Variants in GABRG1 observed in about 807,000 individuals in gnomAD.
GABRG1 encodes the protein gamma-aminobutyric acid type A receptor subunit gamma1, also known as gamma-aminobutyric acid receptor subunit gamma-1.
In GABRG1, 49 loss-of-function variants were observed where a neutral mutation model predicts 49.8. That is an observed-to-expected ratio of 0.98 (90% CI 0.78 to 1.25). GABRG1 has a LOEUF of 1.25. GABRG1 is among the 50% of genes most tolerant of loss of function. GABRG1 has a pLI of 0.00. For missense variants in GABRG1, 552 were observed against 552.3 expected (o/e 1.00, Z 0.01); for synonymous variants, 232 against 185.1 (o/e 1.25, Z -2.06).
chr4:46,064,519 T>A lies in GABRG1; in HGVS notation c.547A>T (p.Thr183Ser). 1 of 1,478,674 alleles carries A rather than the reference T, an allele frequency of 6.8e-7. No individual in the cohort carries two copies. The highest frequency in any genetic ancestry group is 9.1e-7 in the Non-Finnish European group (1 of 1,093,180). The allele number at this position is 1,478,674 out of a possible 1,614,324, so 91.6% of individuals were successfully genotyped here. A position where few individuals can be genotyped will look rare whatever the true frequency, so the allele number is the denominator to read the frequency against. The change falls in exon 5 of 9, where the codon ACA (threonine) becomes TCA (serine). Residue 183 changes from threonine to serine, a missense_variant. By Grantham distance (58) the Thr-to-Ser change is moderately conservative. Coordinates refer to ENST00000295452, the MANE Select transcript of GABRG1 (RefSeq NM_173536.4). Reference protein sequence around the residue: ...DGRVLYTLRLTINAECYLQLH... With the variant: ...DGRVLYTLRLSINAECYLQLH... ...TGAAGATAACATTCTGCATTAATTGTCAATCTATTTAGATGGAAAGAAAAG... is the reference window on the plus strand; with the variant it reads ...TGAAGATAACATTCTGCATTAATTGACAATCTATTTAGATGGAAAGAAAAG...
Position 46,040,884 on chromosome 4 carries a change from A to G in GABRG1, c.*104T>C. On this transcript the variant is annotated 3_prime_UTR_variant, in exon 9 of 9. Coordinates refer to ENST00000295452, the MANE Select transcript of GABRG1 (RefSeq NM_173536.4). ...TTACAATACTATTCACATTTTAACC[A>G]TTGGTCTCTCTGCATTTTAAATTTA... 5 of 1,161,562 alleles carry G rather than the reference A, an allele frequency of 4.3e-6. No individual in the cohort carries two copies. Among genetic ancestry groups the G allele is most frequent in the Admixed American group, 2.2e-5 (1 of 44,486 alleles). 72.0% of individuals were successfully genotyped at this position (1,161,562 alleles called of 1,614,324 possible).
chr4:46,093,279 A>T (rs936129852), intron 2 of GABRG1, among the ~76,000 whole-genome samples: 2 of 151,986 alleles, frequency 1.3e-5, no homozygotes, highest in Non-Finnish European at 2.9e-5. Flanking sequence ...CCACAAAAAA[A>T]AGGATAAGAT....
intron 1 of GABRG1, among the ~76,000 whole-genome samples, chr4:46,101,387 T>C (rs1240944370): frequency 6.6e-6 from 1 of 151,120 alleles, no homozygotes; most frequent in Non-Finnish European, 1.5e-5. Flanking sequence ...CAACAAAACC[T>C]ACGGTACGTA....
intron 8 of GABRG1, among the ~76,000 whole-genome samples, chr4:46,051,156 T>A (rs375620158): frequency 6.6e-6 from 1 of 151,816 alleles, no homozygotes; most frequent in African/African-American, 2.4e-5. Flanking sequence ...TCACAAATAA[T>A]GTTTGAGGTA....
chr4:46,106,115 C>T (rs1720539088), intron 1 of GABRG1, among the ~76,000 whole-genome samples: 1 of 151,428 alleles, frequency 6.6e-6, no homozygotes, highest in African/African-American at 2.4e-5. Context: ...ACTCCCAGGT[C>T]CTTTCTCAGG....
At chr4:46,114,464 A>G (rs959067306) in intron 1 of GABRG1, among the ~76,000 whole-genome samples, 1 of 150,958 alleles carries the variant, frequency 6.6e-6, no homozygotes, top group Non-Finnish European at 1.5e-5. Context: ...TCTACCATGC[A>G]GTTAATCATA....
chr4:46,113,765 A>G (rs2109442572), intron 1 of GABRG1, among the ~76,000 whole-genome samples: 1 of 151,300 alleles, frequency 6.6e-6, no homozygotes, highest in African/African-American at 2.4e-5. Context: ...AGTTTCTAGA[A>G]CAGCATCTGT....
At chr4:46,051,677 T>C in intron 7 of GABRG1, 39 bp from the exon 8 acceptor site, 2 of 1,255,350 alleles carry the variant, frequency 1.6e-6, no homozygotes, top group Non-Finnish European at 1.1e-6. Flanking sequence ...TGAAAATTAA[T>C]AGACCACATT....
chr4:46,096,893 C>T (rs1026766346), intron 2 of GABRG1, among the ~76,000 whole-genome samples: 2 of 151,680 alleles, frequency 1.3e-5, no homozygotes, highest in Admixed American at 1.3e-4. Flanking sequence ...GGTCATTATT[C>T]TGTATCTTAT....
intron 5 of GABRG1, among the ~76,000 whole-genome samples, chr4:46,060,865 T>C (rs1169941649): frequency 6.6e-6 from 1 of 152,152 alleles, no homozygotes; most frequent in Admixed American, 6.6e-5. Flanking sequence ...ATAAACATGA[T>C]TGGCTAAATA....
intron 1 of GABRG1, among the ~76,000 whole-genome samples, chr4:46,105,710 C>T (rs943787526): frequency 1.3e-5 from 2 of 149,818 alleles, no homozygotes; most frequent in African/African-American, 5.0e-5. Context: ...ACACATAATC[C>T]TCCAATTTTC....
At chr4:46,116,132 A>G (rs1426707327) in intron 1 of GABRG1, among the ~76,000 whole-genome samples, 1 of 150,912 alleles carries the variant, frequency 6.6e-6, no homozygotes, top group African/African-American at 2.4e-5. Flanking sequence ...TTGTTCCTCA[A>G]AGCAGAGTGT....
chr4:46,061,589 G>C (rs1363883559), intron 5 of GABRG1, among the ~76,000 whole-genome samples: 2 of 151,800 alleles, frequency 1.3e-5, no homozygotes, highest in Non-Finnish European at 2.9e-5. Context: ...ATACATGTGA[G>C]GATATGTATG....
In GABRG1 at chr4:46,040,972, G is replaced by T. The variant is rs769085432; in HGVS notation, c.*16C>A. The T allele has an allele frequency of 4.4e-6, 7 of 1,593,474 alleles. No homozygotes were observed. Among genetic ancestry groups the T allele is most frequent in the Non-Finnish European group, 5.1e-6 (6 of 1,170,364 alleles). ...TTTAGTCAGACTTCTTTTGATTTTT[G>T]CTTATGAAGTAGATTTTATAAGTAA... is the stretch of plus-strand genomic sequence containing the variant. On this transcript the variant is annotated 3_prime_UTR_variant, in exon 9 of 9. Coordinates refer to ENST00000295452, the MANE Select transcript of GABRG1 (RefSeq NM_173536.4).
intron 3 of GABRG1, among the ~76,000 whole-genome samples, chr4:46,065,808 C>T (rs895746974): frequency 3.9e-5 from 6 of 152,060 alleles, no homozygotes; most frequent in South Asian, 4.1e-4. Flanking sequence ...CCGCAAGCTC[C>T]GCCTCCCGGG....
chr4:46,041,007 A>G lies in GABRG1; in HGVS notation c.1379T>C (p.Val460Ala), dbSNP rs1717751437. Residue 460 changes from valine to alanine, a missense_variant, in exon 9 of 9, where the codon GTT becomes GCT. Val to Ala is a moderately conservative substitution (Grantham distance 64). Coordinates refer to ENST00000295452, the MANE Select transcript of GABRG1 (RefSeq NM_173536.4). ...TAGATTTTATAAGTAAAGATAGCCAACCCAATAAACCAAGTTGAACAGGGC... is the reference window on the plus strand; with the variant it reads ...TAGATTTTATAAGTAAAGATAGCCAGCCCAATAAACCAAGTTGAACAGGGC... ...AFALFNLVYWVGYLYL is the reference protein window; with the variant it reads ...AFALFNLVYWAGYLYL 3 of 1,611,866 alleles carry G rather than the reference A, an allele frequency of 1.9e-6. No individual in the cohort carries two copies. The highest frequency in any genetic ancestry group is 4.5e-5 in the East Asian group (2 of 44,834).
At chr4:46,098,756 C>CA (rs1294598540) in intron 1 of GABRG1, among the ~76,000 whole-genome samples, 3 of 151,532 alleles carry the variant, frequency 2.0e-5, no homozygotes, top group African/African-American at 7.3e-5. Context: ...GTGGAGTGGC[C>CA]AAACAAATCC....
intron 1 of GABRG1, among the ~76,000 whole-genome samples, chr4:46,113,403 G>T (rs11930099): frequency 0.094 from 14,141 of 150,870 alleles, 1,630 homozygotes; most frequent in African/African-American, 0.28. Context: ...TCACTATCAT[G>T]AGAACAGCAT....
In GABRG1 at chr4:46,040,888, G is replaced by C. The variant is rs933356503; in HGVS notation, c.*100C>G. The C allele has an allele frequency of 2.5e-6, 3 of 1,187,746 alleles. No homozygotes were observed. The African/African-American group carries it at 4.6e-5, about 18-fold the overall frequency. 73.6% of individuals were successfully genotyped at this position (1,187,746 alleles called of 1,614,324 possible). ...AATACTATTCACATTTTAACCATTG[G>C]TCTCTCTGCATTTTAAATTTAAACT... On this transcript the variant is annotated 3_prime_UTR_variant, in exon 9 of 9. Coordinates refer to ENST00000295452, the MANE Select transcript of GABRG1 (RefSeq NM_173536.4).
Sources: allele counts gnomAD v4.1 joint callset (sites outside exome capture counted in the v4.1 genomes callset), GRCh38; gene constraint gnomAD v4.1.1; transcripts MANE v1.5; gene names NCBI Gene and HGNC (gene_info 2026-07-23, HGNC 2026-07-21).